PLIN3: variants seen among roughly 807,000 people sequenced by gnomAD.
The protein encoded by PLIN3 is perilipin 3, also known as perilipin-3.
PLIN3 carries 30 observed loss-of-function variants against 35.9 expected under a neutral mutation model. That is an observed-to-expected ratio of 0.84 (90% CI 0.62 to 1.13). The LOEUF (loss-of-function observed/expected upper bound fraction) is 1.13. Among genes scored for constraint, PLIN3 ranks in the 50% most tolerant of loss-of-function variants. The probability of loss-of-function intolerance (pLI) is 0.00; values close to 1 mark genes in which losing one functional copy is unlikely to be tolerated. For missense variants in PLIN3, 603 were observed against 596.9 expected, an observed-to-expected ratio of 1.01 and a Z score of -0.11; for synonymous variants, 261 against 262.5, an observed-to-expected ratio of 0.99 and a Z score of 0.06.
intron 2 of PLIN3, among the ~76,000 whole-genome samples, chr19:4,860,636 C>T (rs2030643810): frequency 6.6e-6 from 1 of 152,088 alleles, no homozygotes; most frequent in African/African-American, 2.4e-5. Flanking sequence ...AGACCACAGC[C>T]CATGGGTCAC....
intron 5 of PLIN3, among the ~76,000 whole-genome samples, chr19:4,848,412 G>C (rs1219382270): frequency 6.6e-6 from 1 of 152,222 alleles, no homozygotes; most frequent in Non-Finnish European, 1.5e-5. Flanking sequence ...AGGAATCAGA[G>C]ACCTTAGACT....
rs1212445249 is a variant in PLIN3, at chr19:4,839,965, CT to C, written c.961-430del. On this transcript the variant is annotated intron_variant, in intron 7 of 7. Transcript: ENST00000221957. ...CAAGCGTGAGCCACCGTGCCCGGCC[CT>C]TTTTTTTTTTTTTTTTTTTGAGATA... Among the ~76,000 whole-genome samples the C allele has an allele frequency of 4.1e-3, 513 of 124,386 alleles. 3 individuals are homozygous for C. The highest frequency in any genetic ancestry group is 7.5e-3 in the African/African-American group (239 of 31,946). The allele number at this position is 124,386 out of a possible 152,430, so 81.6% of individuals were successfully genotyped here. A position where few individuals can be genotyped will look rare whatever the true frequency, so the allele number is the denominator to read the frequency against.
chr19:4,855,264 A>G (rs1402058809), intron 4 of PLIN3, among the ~76,000 whole-genome samples: 2 of 151,106 alleles, frequency 1.3e-5, no homozygotes, highest in African/African-American at 2.4e-5. Flanking sequence ...AAAAAAAAAA[A>G]AAAAAAAAAA....
At chr19:4,855,108 G>A (rs988930986) in intron 4 of PLIN3, among the ~76,000 whole-genome samples, 5 of 151,864 alleles carry the variant, frequency 3.3e-5, no homozygotes, top group Admixed American at 6.6e-5. Context: ...AAATTTGCTG[G>A]GCGTAGTGAT....
At position 4,847,910 on chromosome 19, in the gene PLIN3, G is replaced by C; in HGVS notation, c.635-20C>G. Reference sequence around the variant, plus strand: ...TGCGGGCTGCAAGGAAAAGGAGAAGGGTCTCTGTGAAGACCAGAACACACA... The same window carrying C: ...TGCGGGCTGCAAGGAAAAGGAGAAGCGTCTCTGTGAAGACCAGAACACACA... On this transcript the variant is annotated intron_variant, in intron 5 of 7. Coordinates refer to ENST00000221957, the MANE Select transcript of PLIN3 (RefSeq NM_005817.5). The C allele has an allele frequency of 6.3e-7, 1 of 1,597,882 alleles. No individual in the cohort carries two copies. The highest frequency in any genetic ancestry group is 2.2e-5 in the East Asian group (1 of 44,510).
intron 5 of PLIN3, 75 bp downstream of exon 5, chr19:4,851,941 C>T: frequency 6.8e-7 from 1 of 1,476,010 alleles, no homozygotes; most frequent in Non-Finnish European, 9.2e-7. Flanking sequence ...CGGCACAGAC[C>T]CCAGGAGGCC....
Position 4,848,443 on chromosome 19 carries a change from T to C in PLIN3, c.635-553A>G, listed in dbSNP as rs530117335. ...AGACTAGCAGGAGGGTCTCAAGCTA[T>C]GGCCTGCAGGCCAGACCTGCCTTGG... On this transcript the variant is annotated intron_variant, in intron 5 of 7. Coordinates refer to ENST00000221957, the MANE Select transcript of PLIN3 (RefSeq NM_005817.5). 3.3e-5 allele frequency among the ~76,000 whole-genome samples: 5 copies of C among 152,360 alleles called. No individual in the cohort carries two copies. In the South Asian group the frequency reaches 8.3e-4, roughly 25 times the overall value.
At chr19:4,861,128 GCCCTCCAA>G (rs2030660306) in intron 2 of PLIN3, among the ~76,000 whole-genome samples, 193 bp downstream of exon 2, 4 of 152,144 alleles carry the variant, frequency 2.6e-5, no homozygotes, top group African/African-American at 9.7e-5. Context: ...GCTCCCTCAG[GCCCTCCAA>G]GGGCCTTTGA....
At chr19:4,841,887 A>G (rs12974428) in intron 7 of PLIN3, among the ~76,000 whole-genome samples, 88,757 of 133,994 alleles carry the variant, frequency 0.66, 29,680 homozygotes, top group South Asian at 0.77. Flanking sequence ...CCTGGGCGAC[A>G]GAGCGAGACT....
rs770195924 is a variant in PLIN3, at chr19:4,839,192, C to T, written c.1305G>A (p.Ter435=). ...ITEKAPEEKK[*] ...GCCCGCTGAGTCCTCTCCTCTCCCC[C>T]TACTTCTTCTCCTCCGGGGCTTTCT... The change falls in exon 8 of 8, where the codon TAG becomes TAA. Residue 435 remains the stop codon, a stop_retained_variant. Transcript: ENST00000221957. 3.8e-6 allele frequency: 6 copies of T among 1,598,594 alleles called. No homozygotes were observed. In the South Asian group the frequency reaches 5.6e-5, roughly 15 times the overall value.
At chr19:4,850,155 AG>A (rs1017903997) in intron 5 of PLIN3, among the ~76,000 whole-genome samples, 4 of 151,766 alleles carry the variant, frequency 2.6e-5, no homozygotes, top group Admixed American at 2.0e-4. Flanking sequence ...TATGTTGGTC[AG>A]GCTTGTCTCG....
chr19:4,853,317 A>T (rs1377449656), intron 4 of PLIN3, among the ~76,000 whole-genome samples: 1 of 150,880 alleles, frequency 6.6e-6, no homozygotes, highest in Non-Finnish European at 1.5e-5. Context: ...TTTATCTTTT[A>T]TTTTTATTTA....
chr19:4,854,042 C>G (rs1287769579), intron 4 of PLIN3, among the ~76,000 whole-genome samples: 4 of 151,644 alleles, frequency 2.6e-5, no homozygotes, highest in Non-Finnish European at 5.9e-5. Flanking sequence ...CAGCGATCCT[C>G]CCACCTCAGC....
Position 4,852,010 on chromosome 19 carries a change from A to G in PLIN3, c.634+6T>C, listed in dbSNP as rs768987159. 3.7e-6 allele frequency: 6 copies of G among 1,612,212 alleles called. No homozygotes were observed. Among genetic ancestry groups the G allele is most frequent in the African/African-American group, 2.7e-5 (2 of 74,848 alleles). ...GGTCCCAGAGCAGCCCGCTGGCCAC[A>G]CTTACCCAGTTCGGCATCCGTAAGG... On this transcript the variant is annotated splice_donor_region_variant and intron_variant, in intron 5 of 7. Coordinates refer to ENST00000221957, the MANE Select transcript of PLIN3 (RefSeq NM_005817.5).
intron 4 of PLIN3, among the ~76,000 whole-genome samples, chr19:4,857,060 C>G (rs2030500028): frequency 6.6e-6 from 1 of 151,972 alleles, no homozygotes. Flanking sequence ...CCCCCTCAAC[C>G]CCAAATTCTT....
At chr19:4,861,542 A>C (rs2030676532) in intron 1 of PLIN3, 131 bp from the exon 2 acceptor site, 2 of 636,664 alleles carry the variant, frequency 3.1e-6, no homozygotes, top group African/African-American at 1.8e-5. Flanking sequence ...TTCAGTCCTT[A>C]GCAGGCACAA....
At position 4,839,230 on chromosome 19, in the gene PLIN3, G is replaced by A. The variant is rs1252721129; in HGVS notation, c.1267C>T (p.Pro423Ser). 2.5e-6 allele frequency: 4 copies of A among 1,609,748 alleles called. No homozygotes were observed. Among genetic ancestry groups the A allele is most frequent in the African/African-American group, 1.3e-5 (1 of 74,836 alleles). The change falls in exon 8 of 8, where the codon CCT (proline) becomes TCT (serine). Residue 423 changes from proline to serine, a missense_variant. By Grantham distance (74) the Pro-to-Ser change is moderately conservative. Coordinates refer to ENST00000221957, the MANE Select transcript of PLIN3 (RefSeq NM_005817.5). Reference protein sequence around the residue: ...PVTWLVGPFAPGITEKAPEEK... With the variant: ...PVTWLVGPFASGITEKAPEEK... Reference sequence around the variant, plus strand: ...TCCGGGGCTTTCTCAGTGATTCCAGGGGCAAAGGGTCCCACGAGCCACGTG... The same window carrying A: ...TCCGGGGCTTTCTCAGTGATTCCAGAGGCAAAGGGTCCCACGAGCCACGTG...
chr19:4,851,906 G>T, intron 5 of PLIN3, 110 bp downstream of exon 5: 1 of 1,143,074 alleles, frequency 8.7e-7, no homozygotes, highest in Non-Finnish European at 1.2e-6. Flanking sequence ...GGGAGAAGTG[G>T]CAGGGACGAG....
At chr19:4,843,315 G>C (rs10775588) in intron 7 of PLIN3, among the ~76,000 whole-genome samples, 31,714 of 151,526 alleles carry the variant, frequency 0.21, 3,655 homozygotes, top group East Asian at 0.4. Context: ...GACCATCCCG[G>C]GTAACACGGT....
Sources: gnomAD v4.1 joint callset for allele counts (sites outside exome capture counted in the v4.1 genomes callset) on GRCh38, gnomAD v4.1.1 for gene constraint, MANE v1.5 for transcripts, NCBI Gene and HGNC (gene_info 2026-07-23, HGNC 2026-07-21) for gene names.